TXLNB: variants seen among roughly 807,000 people sequenced by gnomAD.
TXLNB encodes the protein taxilin beta.
A neutral mutation model predicts 57.4 loss-of-function variants in TXLNB; 37 were observed. That is an observed-to-expected ratio of 0.64 (90% CI 0.50 to 0.85). TXLNB has a LOEUF of 0.85. TXLNB is among the 40% of genes least tolerant of loss of function. The pLI, the probability that TXLNB is intolerant of heterozygous loss-of-function variation, is 0.00. For synonymous variants in TXLNB, 302 were observed against 309.6 expected (o/e 0.98, Z 0.26); for missense variants, 848 against 825.6 (o/e 1.03, Z -0.33).
the TXLNB span, chr6:139,166,879 C>T: frequency 1.2e-6 from 2 of 1,614,046 alleles, no homozygotes; most frequent in East Asian, 2.2e-5. Context: ...GCGGCCCCCG[C>T]TCCTCCAGAT....
chr6:139,277,834 C>T (rs1343705117), intron 2 of TXLNB, among the ~76,000 whole-genome samples: 1 of 152,162 alleles, frequency 6.6e-6, no homozygotes, highest in East Asian at 1.9e-4. Flanking sequence ...TCAAGCCACA[C>T]AACAAAGCCC....
At position 139,242,955 on chromosome 6, in the gene TXLNB, C is replaced by A. The variant is rs1775983131; in HGVS notation, c.1626G>T (p.Glu542Asp). The change falls in exon 10 of 10, where the codon GAG (glutamate) becomes GAT (aspartate). Residue 542 changes from glutamate (E) to aspartate (D), a missense_variant. Transcript: ENST00000358430. ...ESADAALKEP[E>D]QPPLIPSRDS... ...CCCGTGAAGGGATCAGAGGGGGTTG[C>A]TCTGGCTCCTTGAGAGCGGCGTCAG... 1 of 1,613,998 alleles carries A rather than the reference C, an allele frequency of 6.2e-7. No homozygotes were observed. The highest frequency in any genetic ancestry group is 8.5e-7 in the Non-Finnish European group (1 of 1,180,026).
At chr6:139,255,454 C>T (rs1235272370) in intron 7 of TXLNB, 110 bp downstream of exon 7, 4 of 804,548 alleles carry the variant, frequency 5.0e-6, no homozygotes, top group Admixed American at 3.8e-5. Flanking sequence ...AATTCCCATC[C>T]CCCCATCCCC....
chr6:139,255,969 C>A (rs1776327724), intron 6 of TXLNB, among the ~76,000 whole-genome samples: 1 of 151,550 alleles, frequency 6.6e-6, no homozygotes, highest in South Asian at 2.1e-4. Flanking sequence ...GCAGTCCCAG[C>A]AACTCGAGAG....
intron 3 of TXLNB, among the ~76,000 whole-genome samples, chr6:139,276,255 ACT>A (rs1776892921): frequency 6.6e-6 from 1 of 152,214 alleles, no homozygotes; most frequent in African/African-American, 2.4e-5. Flanking sequence ...AGTTTCCCAA[ACT>A]ATGTCAATAT....
chr6:139,307,903 T>C, the TXLNB span, among the ~76,000 whole-genome samples: 1 of 152,194 alleles, frequency 6.6e-6, no homozygotes, highest in Non-Finnish European at 1.5e-5. Context: ...AATTTGCTCC[T>C]GATTAATTAA....
Position 139,242,052 on chromosome 6 carries a change from T to C in TXLNB, c.*474A>G, listed in dbSNP as rs1775947396. ...CTATACATACGTGTATATATACATATAATAAGTACACACGTATGTATATAT... is the reference window on the plus strand; with the variant it reads ...CTATACATACGTGTATATATACATACAATAAGTACACACGTATGTATATAT... On this transcript the variant is annotated 3_prime_UTR_variant, in exon 10 of 10. Transcript: ENST00000358430. 1.6e-5 allele frequency: 1 copy of C among 62,682 alleles called. No homozygotes were observed. Among genetic ancestry groups the C allele is most frequent in the Non-Finnish European group, 2.7e-5 (1 of 36,408 alleles). 3.9% of individuals were successfully genotyped at this position (62,682 alleles called of 1,614,324 possible).
chr6:139,242,436 T>A lies in TXLNB; in HGVS notation c.*90A>T, dbSNP rs1775955711. ...GATCCTAAGTCTCTTCCATTTGACATCTCTAGCCCTTAATGCCTTTTTCGG... is the reference window on the plus strand; with the variant it reads ...GATCCTAAGTCTCTTCCATTTGACAACTCTAGCCCTTAATGCCTTTTTCGG... On this transcript the variant is annotated 3_prime_UTR_variant, in exon 10 of 10. Coordinates refer to ENST00000358430, the MANE Select transcript of TXLNB (RefSeq NM_153235.4). The A allele has an allele frequency of 8.9e-7, 1 of 1,127,794 alleles. No homozygotes were observed. The highest frequency in any genetic ancestry group is 1.6e-5 in the African/African-American group (1 of 62,456). 69.9% of individuals were successfully genotyped at this position (1,127,794 alleles called of 1,614,324 possible).
the TXLNB span, among the ~76,000 whole-genome samples, chr6:139,176,208 C>T: frequency 6.6e-6 from 1 of 152,186 alleles, no homozygotes; most frequent in African/African-American, 2.4e-5. The surrounding 1 kb of genome is among the most constrained non-coding windows in gnomAD (Gnocchi z 4.5). Context: ...TGCTTTCTAA[C>T]CATGGTCTTT....
intron 5 of TXLNB, among the ~76,000 whole-genome samples, chr6:139,261,901 CTTTT>C (rs759412856): frequency 8.5e-6 from 1 of 117,892 alleles, no homozygotes; most frequent in Admixed American, 9.0e-5. Context: ...AATACAGACT[CTTTT>C]TTTTTTTTTT....
At chr6:139,220,557 T>G in the TXLNB span, among the ~76,000 whole-genome samples, 3 of 152,180 alleles carry the variant, frequency 2.0e-5, no homozygotes, top group Non-Finnish European at 2.9e-5. Flanking sequence ...TGGATCCATA[T>G]GTGTGTCATC....
At chr6:139,245,608 ACTGT>A (rs1451891292) in intron 8 of TXLNB, 1 of 152,192 alleles carries the variant, frequency 6.6e-6, no homozygotes, top group Non-Finnish European at 1.5e-5. Flanking sequence ...TGGGCCCAAG[ACTGT>A]CAGCCCCTGG....
the TXLNB span, among the ~76,000 whole-genome samples, chr6:139,314,384 C>G: frequency 6.6e-6 from 1 of 152,236 alleles, no homozygotes; most frequent in Non-Finnish European, 1.5e-5. Flanking sequence ...TTACACTCTT[C>G]AAGCAAAGCT....
At chr6:139,218,066 C>T in the TXLNB span, among the ~76,000 whole-genome samples, 4 of 152,060 alleles carry the variant, frequency 2.6e-5, no homozygotes, top group South Asian at 2.1e-4. Flanking sequence ...GGCAGCTGTA[C>T]ACGGTGGCTG....
chr6:139,255,101 T>C (rs557434174), intron 7 of TXLNB, among the ~76,000 whole-genome samples: 1 of 152,156 alleles, frequency 6.6e-6, no homozygotes, highest in Non-Finnish European at 1.5e-5. Context: ...ACGTTACAGG[T>C]GTGAGCCACT....
At chr6:139,161,435 G>A in the TXLNB span, among the ~76,000 whole-genome samples, 8 of 152,278 alleles carry the variant, frequency 5.3e-5, no homozygotes, top group South Asian at 2.1e-4. Context: ...GTGGAGCATG[G>A]CTGTGAACAT....
chr6:139,266,985 A>T (rs1776632102), intron 4 of TXLNB, among the ~76,000 whole-genome samples: 1 of 145,572 alleles, frequency 6.9e-6, no homozygotes, highest in Admixed American at 6.7e-5. Flanking sequence ...AAAAAAACCC[A>T]CGAATAGGTT....
At chr6:139,226,797 G>A in the TXLNB span, among the ~76,000 whole-genome samples, 665 of 152,270 alleles carry the variant, frequency 4.4e-3, 4 homozygotes, top group African/African-American at 0.015. Flanking sequence ...GGAGGCTGAG[G>A]CAGGCAGATC....
the TXLNB span, among the ~76,000 whole-genome samples, chr6:139,191,695 T>G: frequency 6.6e-6 from 1 of 152,204 alleles, no homozygotes; most frequent in African/African-American, 2.4e-5. Context: ...TTAGAAACAA[T>G]GTATGGAATA....
Sources: allele counts gnomAD v4.1 joint callset (sites outside exome capture counted in the v4.1 genomes callset), GRCh38; gene constraint gnomAD v4.1.1; non-coding constraint Gnocchi (gnomAD v3.1); transcripts MANE v1.5; gene names NCBI Gene and HGNC (gene_info 2026-07-23, HGNC 2026-07-21).